PACRG: variants seen among roughly 807,000 people sequenced by gnomAD.
PACRG encodes parkin coregulated gene protein.
A neutral mutation model predicts 29.7 loss-of-function variants in PACRG; 29 were observed. The ratio of observed to expected loss-of-function variants is 0.98; its 90% CI spans 0.73 to 1.33. The LOEUF is 1.33. Ranked by LOEUF, PACRG falls within the 40% of genes most tolerant of loss-of-function variation. The pLI, the probability that PACRG is intolerant of heterozygous loss-of-function variation, is 0.00. For synonymous variants in PACRG, 116 were observed against 118.7 expected, an observed-to-expected ratio of 0.98 and a Z score of 0.15; for missense variants, 279 against 316.2, an observed-to-expected ratio of 0.88 and a Z score of 0.89.
intron 2 of PACRG, among the ~76,000 whole-genome samples, chr6:162,845,070 CTA>C (rs1389304024): frequency 1.1e-4 from 17 of 151,986 alleles, no homozygotes; most frequent in African/African-American, 3.6e-4. Context: ...TAAAGGTAAA[CTA>C]TGTGAAAAGT....
chr6:163,220,210 G>A (rs73597547), intron 4 of PACRG, among the ~76,000 whole-genome samples: 2,408 of 152,140 alleles, frequency 0.016, 55 homozygotes, highest in African/African-American at 0.055. Context: ...GACAGAGGGC[G>A]GGGGTGGGGG....
chr6:163,171,843 G>T (rs949908560), intron 4 of PACRG, among the ~76,000 whole-genome samples: 1 of 152,348 alleles, frequency 6.6e-6, no homozygotes, highest in East Asian at 1.9e-4. Context: ...AGCACTGCCT[G>T]TGGGGACCCC....
intron 4 of PACRG, among the ~76,000 whole-genome samples, chr6:163,151,766 A>T (rs1265127207): frequency 1.3e-5 from 2 of 152,232 alleles, no homozygotes; most frequent in African/African-American, 4.8e-5. Context: ...TATCAATTAT[A>T]TAGCCTTAAT....
At chr6:162,864,983 T>C (rs920543829) in intron 2 of PACRG, among the ~76,000 whole-genome samples, 3 of 152,200 alleles carry the variant, frequency 2.0e-5, no homozygotes, top group Admixed American at 6.5e-5. Context: ...TAGACTTACA[T>C]AGTGATTGTT....
chr6:163,081,014 A>T (rs1204889306), intron 3 of PACRG, among the ~76,000 whole-genome samples: 1 of 152,210 alleles, frequency 6.6e-6, no homozygotes, highest in Non-Finnish European at 1.5e-5. Context: ...TAGGAATATG[A>T]TAAATCAGGC....
At chr6:162,924,781 A>G (rs1274502938) in intron 2 of PACRG, among the ~76,000 whole-genome samples, 2 of 152,150 alleles carry the variant, frequency 1.3e-5, no homozygotes, top group Admixed American at 1.3e-4. Context: ...AAACAAATCC[A>G]AAAGCTAGCA....
At chr6:163,179,973 T>C (rs1779577457) in intron 4 of PACRG, among the ~76,000 whole-genome samples, 1 of 152,254 alleles carries the variant, frequency 6.6e-6, no homozygotes, top group Non-Finnish European at 1.5e-5. Flanking sequence ...TCCTGTGTGC[T>C]GGACACATGC....
intron 4 of PACRG, among the ~76,000 whole-genome samples, chr6:163,305,776 G>C (rs2128191568): frequency 6.6e-6 from 1 of 152,280 alleles, no homozygotes; most frequent in East Asian, 1.9e-4. Context: ...CATAAAAAGT[G>C]ATATTTTTTA....
intron 2 of PACRG, among the ~76,000 whole-genome samples, chr6:163,011,637 A>G (rs551418467): frequency 4.7e-4 from 71 of 152,314 alleles, no homozygotes; most frequent in African/African-American, 1.7e-3. Context: ...TCAGTAAAAA[A>G]TTAACCTTAG....
chr6:162,729,014 C>T (rs1289389528), intron 1 of PACRG, among the ~76,000 whole-genome samples: 1 of 152,128 alleles, frequency 6.6e-6, no homozygotes, highest in Non-Finnish European at 1.5e-5. Context: ...GCTCATATAT[C>T]TCTGCTACTA....
chr6:162,892,949 G>A (rs1219281204), intron 2 of PACRG, among the ~76,000 whole-genome samples: 8 of 144,200 alleles, frequency 5.5e-5, no homozygotes, highest in Non-Finnish European at 1.2e-4. Context: ...CCCCAGAGAA[G>A]AACCACCTCA....
intron 4 of PACRG, among the ~76,000 whole-genome samples, chr6:163,143,735 G>A (rs953869613): frequency 2.7e-4 from 41 of 151,864 alleles, no homozygotes; most frequent in Admixed American, 3.9e-4. Flanking sequence ...AGGCCTGGGC[G>A]ACGTCAGCAA....
chr6:162,824,247 A>G (rs1788088260), intron 2 of PACRG, among the ~76,000 whole-genome samples: 1 of 152,156 alleles, frequency 6.6e-6, no homozygotes, highest in South Asian at 2.1e-4. Flanking sequence ...ACTTCAAGGT[A>G]GCAGGCTGGT....
intron 4 of PACRG, among the ~76,000 whole-genome samples, chr6:163,264,892 T>C (rs1261886619): frequency 6.6e-6 from 1 of 152,132 alleles, no homozygotes; most frequent in Non-Finnish European, 1.5e-5. Context: ...CCTGGGGTGA[T>C]AAAGGCCTGA....
chr6:163,196,904 G>A (rs1332180883), intron 4 of PACRG, among the ~76,000 whole-genome samples: 1 of 148,080 alleles, frequency 6.8e-6, no homozygotes, highest in African/African-American at 2.6e-5. Context: ...CATGTAGACA[G>A]ACTAGACAGA....
intron 2 of PACRG, among the ~76,000 whole-genome samples, chr6:162,838,679 T>G (rs1476931315): frequency 1.3e-5 from 2 of 151,742 alleles, no homozygotes; most frequent in East Asian, 3.9e-4. Flanking sequence ...GCCATGCTGG[T>G]GTGCTGCACC....
chr6:162,827,528 C>T (rs961409645), intron 2 of PACRG, among the ~76,000 whole-genome samples: 2 of 152,124 alleles, frequency 1.3e-5, no homozygotes, highest in African/African-American at 4.8e-5. Context: ...ATGAGCTCCA[C>T]GACCAAATGA....
At chr6:162,893,071 T>TCGGCCC (rs1794906159) in intron 2 of PACRG, among the ~76,000 whole-genome samples, 13 of 126,744 alleles carry the variant, frequency 1.0e-4, no homozygotes, top group South Asian at 2.3e-4. Flanking sequence ...CACACCCCTC[T>TCGGCCC]ACCTCCACTA....
At chr6:162,817,673 A>C (rs1787474376) in intron 2 of PACRG, among the ~76,000 whole-genome samples, 1 of 152,192 alleles carries the variant, frequency 6.6e-6, no homozygotes, top group African/African-American at 2.4e-5. Context: ...ATTTTAATTA[A>C]TTTTAATTTA....
Sources: allele counts gnomAD v4.1 joint callset (sites outside exome capture counted in the v4.1 genomes callset), GRCh38; gene constraint gnomAD v4.1.1; transcripts MANE v1.5; gene names NCBI Gene and HGNC (gene_info 2026-07-23, HGNC 2026-07-21).